The following MRC2 variants were observed in gnomAD, a reference collection of about 807,000 sequenced individuals.
MRC2 encodes mannose receptor C-type 2.
Under a neutral mutation model 206.2 loss-of-function variants are expected in MRC2, and 84 were observed. The ratio of observed to expected loss-of-function variants is 0.41; its 90% CI spans 0.34 to 0.49. The LOEUF (loss-of-function observed/expected upper bound fraction) is 0.49. MRC2 is among the 20% of genes least tolerant of loss of function. MRC2 has a pLI of 0.31. For missense variants in MRC2, 1,676 were observed against 2,001.5 expected (o/e 0.84, Z 3.10); for synonymous variants, 798 against 800.0 (o/e 1.00, Z 0.04).
At chr17:62,654,148 C>T (rs920980727) in intron 1 of MRC2, among the ~76,000 whole-genome samples, 1 of 151,822 alleles carries the variant, frequency 6.6e-6, no homozygotes, top group East Asian at 2.0e-4. Flanking sequence ...TCTGCGTGGC[C>T]TGGGGAGGGG....
At position 62,689,663 on chromosome 17, in the gene MRC2, G is replaced by T. The variant is rs1324539439; in HGVS notation, c.3476G>T (p.Ser1159Ile). The T allele has an allele frequency of 1.9e-6, 3 of 1,591,864 alleles. No individual in the cohort carries two copies. The highest frequency in any genetic ancestry group is 1.1e-5 in the South Asian group (1 of 87,936). Reference protein sequence around the residue: ...ALLLCESRNASLAYVPDPYTQ... With the variant: ...ALLLCESRNAILAYVPDPYTQ... The stretch of plus-strand genomic sequence containing the variant: ...CTGCTGTGTGAGAGCCGCAATGCCA[G>T]CCTGGCCTACGTGCCCGACCCCTAC... Residue 1159 changes from serine (S) to isoleucine (I), a missense_variant, in exon 24 of 30, where the codon AGC becomes ATC. Ser to Ile is a moderately radical substitution (Grantham distance 142). Coordinates refer to ENST00000303375, the MANE Select transcript of MRC2 (RefSeq NM_006039.5).
At chr17:62,631,108 A>C (rs1391258951) in intron 1 of MRC2, among the ~76,000 whole-genome samples, 1 of 152,154 alleles carries the variant, frequency 6.6e-6, no homozygotes, top group Non-Finnish European at 1.5e-5. Context: ...CACGTAGGGC[A>C]CCGTGACTTG....
intron 1 of MRC2, among the ~76,000 whole-genome samples, chr17:62,659,079 T>C (rs1043568031): frequency 7.2e-5 from 11 of 152,202 alleles, no homozygotes; most frequent in African/African-American, 2.4e-4. Context: ...GGCCACTTCC[T>C]CGTGGACAGC....
At chr17:62,653,499 C>T (rs899526330) in intron 1 of MRC2, among the ~76,000 whole-genome samples, 2 of 152,154 alleles carry the variant, frequency 1.3e-5, no homozygotes, top group East Asian at 3.9e-4. Context: ...CATTCCCTGC[C>T]AGAGTGTGAT....
chr17:62,685,766 T>C (rs2089024010), intron 20 of MRC2, among the ~76,000 whole-genome samples: 1 of 152,192 alleles, frequency 6.6e-6, no homozygotes. Context: ...GGTTTTGAAC[T>C]TCTGGGCTCA....
intron 1 of MRC2, among the ~76,000 whole-genome samples, chr17:62,633,106 A>T (rs1436098756): frequency 6.6e-6 from 1 of 152,164 alleles, no homozygotes; most frequent in Non-Finnish European, 1.5e-5. Flanking sequence ...GTATTATAAG[A>T]TTACATACAA....
At chr17:62,644,792 C>A (rs953004508) in intron 1 of MRC2, among the ~76,000 whole-genome samples, 1 of 152,096 alleles carries the variant, frequency 6.6e-6, no homozygotes, top group Non-Finnish European at 1.5e-5. Flanking sequence ...GATTCCTCCA[C>A]GCTGGTGGTC....
chr17:62,674,741 G>T (rs995725288), intron 9 of MRC2, among the ~76,000 whole-genome samples: 4 of 152,038 alleles, frequency 2.6e-5, no homozygotes, highest in Non-Finnish European at 5.9e-5. Context: ...GTAAGTGAGT[G>T]GGGGGTGAGT....
At chr17:62,678,667 G>C in intron 13 of MRC2, 21 bp downstream of exon 13, 3 of 1,601,280 alleles carry the variant, frequency 1.9e-6, no homozygotes, top group Non-Finnish European at 2.6e-6. Context: ...GGGCTGAGGC[G>C]TGTTAGGAGG....
chr17:62,673,001 AAAAT>A (rs1165857132), intron 8 of MRC2, among the ~76,000 whole-genome samples: 6 of 150,570 alleles, frequency 4.0e-5, no homozygotes, highest in Admixed American at 1.3e-4. Context: ...CAAAAAAAAA[AAAAT>A]AAAATAAAAA....
intron 1 of MRC2, among the ~76,000 whole-genome samples, chr17:62,647,075 G>A (rs888273099): frequency 2.0e-5 from 3 of 151,920 alleles, no homozygotes; most frequent in Admixed American, 1.3e-4. Flanking sequence ...CTCCCCAGGC[G>A]ATTTGGACAC....
intron 2 of MRC2, 130 bp downstream of exon 2, chr17:62,665,079 A>C: frequency 2.0e-6 from 2 of 1,007,506 alleles, no homozygotes; most frequent in Non-Finnish European, 2.8e-6. Context: ...TTTAATTATA[A>C]TAGGAAGCAT....
At chr17:62,645,959 G>A (rs2088478887) in intron 1 of MRC2, among the ~76,000 whole-genome samples, 2 of 150,982 alleles carry the variant, frequency 1.3e-5, no homozygotes, top group East Asian at 1.9e-4. Context: ...ATAGGGTTCT[G>A]TTGTGTGAGT....
chr17:62,662,060 C>T (rs1178444377), intron 1 of MRC2, among the ~76,000 whole-genome samples: 1 of 151,916 alleles, frequency 6.6e-6, no homozygotes, highest in African/African-American at 2.4e-5. Flanking sequence ...TCAGACTGGG[C>T]AACATGGAGA....
intron 1 of MRC2, among the ~76,000 whole-genome samples, chr17:62,644,631 CA>C (rs1448761682): frequency 3.9e-5 from 6 of 152,250 alleles, no homozygotes; most frequent in Admixed American, 3.9e-4. Flanking sequence ...CACGTGACCC[CA>C]GCAGCATTTG....
intron 12 of MRC2, among the ~76,000 whole-genome samples, chr17:62,678,213 G>T (rs925340007): frequency 7.2e-5 from 11 of 152,234 alleles, no homozygotes; most frequent in African/African-American, 2.7e-4. Flanking sequence ...AGAAACTGAA[G>T]TCTAGGGAGA....
chr17:62,628,626 C>T (rs1018065827), intron 1 of MRC2, among the ~76,000 whole-genome samples: 6 of 152,182 alleles, frequency 3.9e-5, no homozygotes, highest in African/African-American at 1.4e-4. Flanking sequence ...AGGGGACAGA[C>T]CTTGAGCGGC....
At chr17:62,658,679 C>G (rs1033901396) in intron 1 of MRC2, among the ~76,000 whole-genome samples, 2 of 152,224 alleles carry the variant, frequency 1.3e-5, no homozygotes, top group Non-Finnish European at 2.9e-5. Flanking sequence ...TCCTCTTGGG[C>G]TATTGTGGGC....
chr17:62,655,928 T>C (rs1053563475), intron 1 of MRC2, among the ~76,000 whole-genome samples: 5 of 152,114 alleles, frequency 3.3e-5, no homozygotes, highest in African/African-American at 9.7e-5. Flanking sequence ...CTTCTTTTGA[T>C]TCCTAGGCTG....
Sources: gnomAD v4.1 joint callset for allele counts (sites outside exome capture counted in the v4.1 genomes callset) on GRCh38, gnomAD v4.1.1 for gene constraint, MANE v1.5 for transcripts, NCBI Gene and HGNC (gene_info 2026-07-23, HGNC 2026-07-21) for gene names.